Variants in MEGF10 observed in about 807,000 individuals in gnomAD.
MEGF10 encodes the protein multiple EGF like domains 10.
MEGF10 carries 86 observed loss-of-function variants against 147.5 expected under a neutral mutation model. The observed-to-expected ratio is 0.58, with a 90% confidence interval of 0.49 to 0.70. The LOEUF is 0.70. Among genes scored for constraint, MEGF10 ranks in the 30% least tolerant of loss-of-function variants. MEGF10 has a pLI of 0.00. For missense variants in MEGF10, 1,329 were observed against 1,487.3 expected, an observed-to-expected ratio of 0.89 and a Z score of 1.75; for synonymous variants, 478 against 525.5, an observed-to-expected ratio of 0.91 and a Z score of 1.24.
At chr5:127,306,836 C>T (rs1041636787) in intron 1 of MEGF10, among the ~76,000 whole-genome samples, 4 of 152,284 alleles carry the variant, frequency 2.6e-5, no homozygotes, top group Admixed American at 6.5e-5. Flanking sequence ...CTTAAAGGTA[C>T]TTTATGCTGG....
chr5:127,255,791 T>A, the MEGF10 span, among the ~76,000 whole-genome samples: 2 of 152,220 alleles, frequency 1.3e-5, no homozygotes, highest in East Asian at 1.9e-4. Flanking sequence ...TGTCTTGCTG[T>A]GTTTCAGGAC....
chr5:127,282,379 T>C, the MEGF10 span, among the ~76,000 whole-genome samples: 2 of 152,186 alleles, frequency 1.3e-5, no homozygotes, highest in African/African-American at 4.8e-5. Flanking sequence ...AAGTTGGTTT[T>C]CTGATGCCTT....
intron 19 of MEGF10, chr5:127,445,230 C>A: frequency 3.7e-6 from 2 of 542,396 alleles, no homozygotes; most frequent in Non-Finnish European, 6.6e-6. Flanking sequence ...CTGTGCCCAG[C>A]TTCTGTCTCT....
intron 10 of MEGF10, among the ~76,000 whole-genome samples, chr5:127,418,512 C>G (rs990468938): frequency 6.6e-6 from 1 of 152,186 alleles, no homozygotes; most frequent in African/African-American, 2.4e-5. Flanking sequence ...GTTTTCTAAC[C>G]TATGTCATAA....
intron 5 of MEGF10, among the ~76,000 whole-genome samples, chr5:127,373,749 A>T (rs1238435755): frequency 6.6e-6 from 1 of 152,204 alleles, no homozygotes; most frequent in Non-Finnish European, 1.5e-5. Context: ...GCTAGTAAGA[A>T]GTAGATAGAT....
intron 4 of MEGF10, among the ~76,000 whole-genome samples, chr5:127,358,668 C>T (rs1345982767): frequency 6.6e-6 from 1 of 152,122 alleles, no homozygotes; most frequent in Non-Finnish European, 1.5e-5. Flanking sequence ...AAGGTACCTT[C>T]CTTCTGATTT....
At chr5:127,338,977 C>T in intron 2 of MEGF10, 143 bp from the exon 3 acceptor site, 1 of 435,472 alleles carries the variant, frequency 2.3e-6, no homozygotes. Context: ...AATAAAAACC[C>T]ATAAAAACAT....
At chr5:127,342,606 A>G (rs1761728431) in intron 4 of MEGF10, among the ~76,000 whole-genome samples, 1 of 152,090 alleles carries the variant, frequency 6.6e-6, no homozygotes. Flanking sequence ...TCAGCCGCAT[A>G]ATTCAACACC....
At chr5:127,375,972 C>G (rs1763011531) in intron 5 of MEGF10, among the ~76,000 whole-genome samples, 1 of 152,158 alleles carries the variant, frequency 6.6e-6, no homozygotes, top group African/African-American at 2.4e-5. Context: ...GCTGCTCTGA[C>G]AGAGCTCATA....
chr5:127,455,495 C>G lies in MEGF10; in HGVS notation c.3120C>G (p.Ile1040Met), dbSNP rs762915603. The G allele has an allele frequency of 1.2e-6, 2 of 1,614,106 alleles. No homozygotes were observed. The highest frequency in any genetic ancestry group is 2.2e-5 in the East Asian group (1 of 44,856). The change falls in exon 24 of 25, where the codon ATC (isoleucine) becomes ATG (methionine). Residue 1040 changes from isoleucine (I) to methionine (M), a missense_variant. By Grantham distance (10) the Ile-to-Met change is conservative. Around this residue, in one of 3 missense-constraint regions of MEGF10, gnomAD observed 343 missense variants for 377.9 expected, o/e 0.91. Coordinates refer to ENST00000503335, the MANE Select transcript of MEGF10 (RefSeq NM_001256545.2). ...CTATTAAAGACCCACCTGTACTTAT[C>G]CCGAAAAGCTCAGAGTGTGGTTATG... The part of the protein sequence containing the change: ...YATIKDPPVL[I>M]PKSSECGYVE...
the MEGF10 span, among the ~76,000 whole-genome samples, chr5:127,249,065 A>G: frequency 6.6e-6 from 1 of 152,000 alleles, no homozygotes; most frequent in Non-Finnish European, 1.5e-5. Flanking sequence ...ATATGAATAA[A>G]TTTTATTTTC....
chr5:127,455,277 C>G (rs1030097684), intron 23 of MEGF10, 124 bp from the exon 24 acceptor site: 1 of 842,964 alleles, frequency 1.2e-6, no homozygotes, highest in African/African-American at 1.7e-5. Context: ...GGAAAAGGTA[C>G]AGTATTATTT....
intron 13 of MEGF10, among the ~76,000 whole-genome samples, chr5:127,430,419 A>G (rs1269143614): frequency 6.6e-6 from 1 of 152,222 alleles, no homozygotes; most frequent in Non-Finnish European, 1.5e-5. Flanking sequence ...CCTGGAGAAT[A>G]TTTCATTGCA....
the MEGF10 span, among the ~76,000 whole-genome samples, chr5:127,260,612 G>C: frequency 6.6e-6 from 1 of 152,204 alleles, no homozygotes; most frequent in African/African-American, 2.4e-5. Context: ...AGTTGGCTAC[G>C]TGGTGGAGAG....
intron 6 of MEGF10, among the ~76,000 whole-genome samples, chr5:127,398,070 T>TGGGGGG (rs1763989537): frequency 1.9e-5 from 1 of 51,534 alleles, no homozygotes; most frequent in Non-Finnish European, 3.8e-5. Flanking sequence ...TGTCTGGGGG[T>TGGGGGG]GGGGGGAAAG....
At chr5:127,338,765 C>T (rs1761562372) in intron 2 of MEGF10, among the ~76,000 whole-genome samples, 1 of 152,016 alleles carries the variant, frequency 6.6e-6, no homozygotes, top group Non-Finnish European at 1.5e-5. Flanking sequence ...TGAAAACCTT[C>T]TGTGAATGAT....
At chr5:127,456,144 T>C (rs1450003815) in intron 24 of MEGF10, among the ~76,000 whole-genome samples, 1 of 152,186 alleles carries the variant, frequency 6.6e-6, no homozygotes, top group African/African-American at 2.4e-5. Flanking sequence ...TTAGCTAATA[T>C]ATCTACTTAG....
chr5:127,234,996 AC>A, the MEGF10 span, among the ~76,000 whole-genome samples: 1 of 152,090 alleles, frequency 6.6e-6, no homozygotes, highest in African/African-American at 2.4e-5. Context: ...GGCGCATGCC[AC>A]CATGCCCAGC....
At chr5:127,309,644 A>G (rs1253007470) in intron 1 of MEGF10, among the ~76,000 whole-genome samples, 1 of 152,186 alleles carries the variant, frequency 6.6e-6, no homozygotes, top group South Asian at 2.1e-4. Context: ...AGGCTAAATA[A>G]TATTCAGTTG....
Sources: gnomAD v4.1 joint callset for allele counts (sites outside exome capture counted in the v4.1 genomes callset) on GRCh38, gnomAD v4.1.1 for gene constraint, gnomAD v4.1.1 regional missense constraint, MANE v1.5 for transcripts, NCBI Gene and HGNC (gene_info 2026-07-23, HGNC 2026-07-21) for gene names.